The following CCM2 variants were observed in gnomAD, a reference collection of about 807,000 sequenced individuals.
The protein encoded by CCM2 is CCM2 scaffold protein.
A neutral mutation model predicts 44.9 loss-of-function variants in CCM2; 25 were observed. That is an observed-to-expected ratio of 0.56 (90% CI 0.41 to 0.78). The LOEUF (loss-of-function observed/expected upper bound fraction) is 0.78, where lower values mean the gene tolerates loss of function less well. Among genes scored for constraint, CCM2 ranks in the 30% least tolerant of loss-of-function variants. The probability of loss-of-function intolerance (pLI) is 0.00; values close to 1 mark genes in which losing one functional copy is unlikely to be tolerated. For synonymous variants in CCM2, 219 were observed against 241.1 expected (o/e 0.91, Z 0.85); for missense variants, 481 against 580.6 (o/e 0.83, Z 1.76).
At chr7:45,065,371 G>A (rs934430427) in intron 4 of CCM2, among the ~76,000 whole-genome samples, 1 of 152,236 alleles carries the variant, frequency 6.6e-6, no homozygotes, top group Non-Finnish European at 1.5e-5. Flanking sequence ...TTGCAGTGGG[G>A]ACAGTATCCT....
intron 1 of CCM2, among the ~76,000 whole-genome samples, chr7:45,003,451 C>T (rs1175945416): frequency 6.6e-6 from 1 of 152,118 alleles, no homozygotes; most frequent in African/African-American, 2.4e-5. Flanking sequence ...CCCAAAAAAG[C>T]TGTCTTGTCA....
intron 7 of CCM2, 74 bp downstream of exon 7, chr7:45,072,857 G>A (rs1799146800): frequency 8.1e-7 from 1 of 1,241,874 alleles, no homozygotes. Context: ...CCAGGCTGCA[G>A]CCAGTCAGCT....
chr7:44,999,915 T>G (rs1398701324), upstream of CCM2: 1 of 315,172 alleles, frequency 3.2e-6, no homozygotes, highest in Non-Finnish European at 6.5e-6. Context: ...CCGGCTCTCC[T>G]GAAGGACGCG....
intron 1 of CCM2, among the ~76,000 whole-genome samples, chr7:45,034,930 C>T (rs1281814418): frequency 2.0e-5 from 3 of 152,034 alleles, no homozygotes; most frequent in African/African-American, 4.8e-5. Context: ...CTTGACCTAC[C>T]GGGCTCAAGC....
At chr7:45,070,250 TAACTCGG>T in intron 6 of CCM2, 2 of 449,208 alleles carry the variant, frequency 4.5e-6, no homozygotes, top group Non-Finnish European at 8.3e-6. Context: ...TCACTTCACT[TAACTCGG>T]AACAAAGAGC....
At chr7:45,031,335 T>C (rs1283839817) in intron 1 of CCM2, among the ~76,000 whole-genome samples, 1 of 130,278 alleles carries the variant, frequency 7.7e-6, no homozygotes, top group East Asian at 2.4e-4. Flanking sequence ...TGAGCCGAGA[T>C]CACACCACTG....
chr7:45,007,248 A>G (rs991529682), intron 1 of CCM2, among the ~76,000 whole-genome samples: 1 of 151,920 alleles, frequency 6.6e-6, no homozygotes. Context: ...CAGGGATGTC[A>G]TTCATTTCAT....
At chr7:45,016,616 A>G (rs1231646347) in intron 1 of CCM2, among the ~76,000 whole-genome samples, 1 of 147,790 alleles carries the variant, frequency 6.8e-6, no homozygotes, top group African/African-American at 2.5e-5. Context: ...GGCATGAGCC[A>G]CTGTGCCTGG....
chr7:45,072,634 T>A, intron 6 of CCM2, 92 bp from the exon 7 acceptor site: 1 of 971,780 alleles, frequency 1.0e-6, no homozygotes, highest in East Asian at 2.4e-5. Flanking sequence ...GGGCTGCCGC[T>A]GTCTCCTGTA....
intron 2 of CCM2, among the ~76,000 whole-genome samples, chr7:45,049,884 T>C (rs748253050): frequency 2.6e-5 from 4 of 152,032 alleles, no homozygotes; most frequent in Non-Finnish European, 4.4e-5. Context: ...ACTACAACAA[T>C]AAAAAATAAT....
At position 45,038,390 on chromosome 7, in the gene CCM2, C is replaced by G; in HGVS notation, c.168C>G (p.Asp56Glu). ...CATTGCCTGAGCGCGTCGAGCCAGA[C>G]AGACTGCTGAGCGACTATATTGAGA... ...VLSLPERVEPDRLLSDYIEKE... is the reference protein window; with the variant it reads ...VLSLPERVEPERLLSDYIEKE... Residue 56 changes from aspartate (D) to glutamate (E), a missense_variant, in exon 2 of 10, where the codon GAC becomes GAG. Coordinates refer to ENST00000258781, the MANE Select transcript of CCM2 (RefSeq NM_031443.4). 3 of 1,614,132 alleles carry G rather than the reference C, an allele frequency of 1.9e-6. No individual in the cohort carries two copies. Among genetic ancestry groups the G allele is most frequent in the Non-Finnish European group, 2.5e-6 (3 of 1,180,030 alleles).
chr7:45,031,717 C>G (rs572714015), intron 1 of CCM2, among the ~76,000 whole-genome samples: 2 of 151,906 alleles, frequency 1.3e-5, no homozygotes, highest in Non-Finnish European at 2.9e-5. Context: ...GCCACCATGT[C>G]CTGCTAATTT....
At chr7:45,000,011 C>T (rs557489441), upstream of CCM2, among the ~76,000 whole-genome samples, 2 of 152,096 alleles carry the variant, frequency 1.3e-5, no homozygotes, top group Admixed American at 6.5e-5. Context: ...GTGCTCTCGC[C>T]GTGAGCGGGG....
rs553745367 is a variant in CCM2 at position 45,033,367 on chromosome 7, G to A, written c.31-4886G>A. 3.9e-5 allele frequency among the ~76,000 whole-genome samples: 6 copies of A among 152,272 alleles called. No individual in the cohort carries two copies. In the South Asian group the frequency reaches 1.2e-3, roughly 32 times the overall value. On this transcript the variant is annotated intron_variant, in intron 1 of 9. Transcript: ENST00000258781. ...AGGTTGCATGTGGTTTGTGGGACCT[G>A]TTGATTTGGTGTGGGCTTCTTGGTT...
intron 1 of CCM2, among the ~76,000 whole-genome samples, chr7:45,021,735 CAG>C (rs1360445599): frequency 8.6e-5 from 13 of 150,712 alleles, no homozygotes; most frequent in Admixed American, 4.0e-4. Flanking sequence ...GAAGATGAGA[CAG>C]GGAGGAGGAG....
intron 9 of CCM2, among the ~76,000 whole-genome samples, chr7:45,074,806 G>A (rs1799263394): frequency 6.6e-6 from 1 of 152,178 alleles, no homozygotes; most frequent in Admixed American, 6.5e-5. Context: ...AAGGCGGAAG[G>A]ACCAGCGTTT....
At chr7:45,061,838 G>C (rs1798540409) in intron 2 of CCM2, among the ~76,000 whole-genome samples, 1 of 152,146 alleles carries the variant, frequency 6.6e-6, no homozygotes, top group Non-Finnish European at 1.5e-5. Context: ...AGTATGAGGA[G>C]ATGTTTCTCC....
chr7:45,031,839 T>TG (rs1209743347), intron 1 of CCM2, among the ~76,000 whole-genome samples: 1 of 152,268 alleles, frequency 6.6e-6, no homozygotes, highest in East Asian at 1.9e-4. Flanking sequence ...CCCAAAGTGT[T>TG]GGGATTACAG....
At chr7:45,012,715 T>C (rs1399489512) in intron 1 of CCM2, among the ~76,000 whole-genome samples, 3 of 151,770 alleles carry the variant, frequency 2.0e-5, no homozygotes, top group South Asian at 2.1e-4. Context: ...CCACCATGCC[T>C]GGCTAATTTT....
Sources: allele counts gnomAD v4.1 joint callset (sites outside exome capture counted in the v4.1 genomes callset), GRCh38; gene constraint gnomAD v4.1.1; transcripts MANE v1.5; gene names NCBI Gene and HGNC (gene_info 2026-07-23, HGNC 2026-07-21).